The following DDX50 variants were observed in gnomAD, a reference collection of about 807,000 sequenced individuals.
DDX50 encodes the protein ATP-dependent RNA helicase DDX50.
Under a neutral mutation model 94.8 loss-of-function variants are expected in DDX50, and 56 were observed. The ratio of observed to expected loss-of-function variants is 0.59; its 90% CI spans 0.48 to 0.74. The LOEUF is 0.74. DDX50 is among the 30% of genes least tolerant of loss of function. The pLI, the probability that DDX50 is intolerant of heterozygous loss-of-function variation, is 0.00. For missense variants in DDX50, 713 were observed against 881.2 expected (o/e 0.81, Z 2.42); for synonymous variants, 264 against 295.4 (o/e 0.89, Z 1.09).
intron 8 of DDX50, among the ~76,000 whole-genome samples, chr10:68,921,512 A>G (rs1841939360): frequency 6.6e-6 from 1 of 151,940 alleles, no homozygotes; most frequent in African/African-American, 2.4e-5. Context: ...TTGTTTGTTT[A>G]GGGCAGAACT....
chr10:68,914,499 AAAAAC>A (rs1300007898), intron 7 of DDX50, among the ~76,000 whole-genome samples: 2 of 152,212 alleles, frequency 1.3e-5, no homozygotes, highest in Non-Finnish European at 1.5e-5. Flanking sequence ...AACAAAAACA[AAAAAC>A]AAAATATTTA....
chr10:68,906,653 T>C (rs1362616349), intron 1 of DDX50, 58 bp from the exon 2 acceptor site: 7 of 1,570,724 alleles, frequency 4.5e-6, no homozygotes, highest in Non-Finnish European at 5.2e-6. Flanking sequence ...CTAACTTCTC[T>C]AGAGTCTTAA....
At chr10:68,937,419 T>C (rs1402185526) in intron 12 of DDX50, among the ~76,000 whole-genome samples, 3 of 152,038 alleles carry the variant, frequency 2.0e-5, no homozygotes, top group African/African-American at 7.2e-5. Flanking sequence ...TGACATGTAA[T>C]AATTGTACAT....
In DDX50 at chr10:68,934,764, GA is replaced by G. The variant is rs1437735357; in HGVS notation, c.1402-34del. The stretch of plus-strand genomic sequence containing the variant: ...ATTCCGGAATGACTGCAACTTGCTA[GA>G]TTTTTAAAAAATATTACCTTTTATA... On this transcript the variant is annotated intron_variant, in intron 9 of 14. Coordinates refer to ENST00000373585, the MANE Select transcript of DDX50 (RefSeq NM_024045.2). This position sits in a 1 kb window ranked among gnomAD's most constrained non-coding sequence, Gnocchi z 4.0. The G allele has an allele frequency of 1.3e-6, 2 of 1,563,514 alleles. No individual in the cohort carries two copies. Among genetic ancestry groups the G allele is most frequent in the African/African-American group, 1.4e-5 (1 of 72,286 alleles).
At chr10:68,901,617 G>A (rs2132015275) in intron 1 of DDX50, 146 bp downstream of exon 1, 3 of 827,472 alleles carry the variant, frequency 3.6e-6, no homozygotes, top group East Asian at 6.0e-5. Context: ...CTCTGGGGTC[G>A]CTCAGGGACC....
chr10:68,903,983 A>G (rs1165268607), intron 1 of DDX50, among the ~76,000 whole-genome samples: 1 of 150,930 alleles, frequency 6.6e-6, no homozygotes, highest in Admixed American at 6.6e-5. Flanking sequence ...CTCAGAAAAA[A>G]AAAAAAAAAA....
chr10:68,933,663 G>C (rs1397657361), intron 8 of DDX50, among the ~76,000 whole-genome samples: 1 of 151,966 alleles, frequency 6.6e-6, no homozygotes, highest in Non-Finnish European at 1.5e-5. Context: ...GCCGGGTGTG[G>C]TGGCTCACGC....
At chr10:68,909,381 T>G (rs1245212077) in intron 2 of DDX50, among the ~76,000 whole-genome samples, 4 of 152,218 alleles carry the variant, frequency 2.6e-5, no homozygotes, top group Admixed American at 2.0e-4. Context: ...AACTTGTATA[T>G]ATGTTAAAGA....
chr10:68,936,186 C>A, intron 11 of DDX50, 107 bp downstream of exon 11: 3 of 822,982 alleles, frequency 3.6e-6, no homozygotes, highest in African/African-American at 1.8e-5. Flanking sequence ...GTTTTACCAG[C>A]AGACATTTAG....
chr10:68,906,946 CAA>C lies in DDX50; in HGVS notation c.325_326del (p.Lys109AlafsTer11). The C allele has an allele frequency of 6.2e-7, 1 of 1,600,134 alleles. No homozygotes were observed. On this transcript the variant is annotated frameshift_variant, in exon 2 of 15. Transcript: ENST00000373585. LOFTEE classifies it high-confidence loss of function. ...GATATAGATGAATATGAAAAAAAAT[CAA>C]AGCGAGTATCATCTTTAGATACTTC...
chr10:68,943,178 C>T, intron 13 of DDX50, 35 bp from the exon 14 acceptor site: 1 of 1,597,296 alleles, frequency 6.3e-7, no homozygotes, highest in Non-Finnish European at 8.5e-7. Flanking sequence ...ACATATGCAT[C>T]TAATTTAAAA....
chr10:68,937,117 G>T (rs753468332), intron 12 of DDX50, 22 bp downstream of exon 12: 3 of 1,572,754 alleles, frequency 1.9e-6, no homozygotes, highest in African/African-American at 1.4e-5. Flanking sequence ...TGAGAAAATT[G>T]TACATGAGTG....
At chr10:68,912,506 G>A (rs77653388) in intron 4 of DDX50, among the ~76,000 whole-genome samples, 4 of 152,216 alleles carry the variant, frequency 2.6e-5, no homozygotes, top group Middle Eastern at 3.4e-3. Flanking sequence ...GAGCCTCCAC[G>A]CCTGGCCCCA....
chr10:68,929,931 C>G (rs1203386280), intron 8 of DDX50, among the ~76,000 whole-genome samples: 1 of 151,238 alleles, frequency 6.6e-6, no homozygotes. Context: ...CGGGGTTTTG[C>G]CATGTTGGCC....
intron 8 of DDX50, among the ~76,000 whole-genome samples, chr10:68,932,257 T>C (rs190540536): frequency 1.1e-3 from 163 of 152,336 alleles, no homozygotes; most frequent in Non-Finnish European, 1.2e-3. Context: ...GTTAAATTAC[T>C]GTTATGAACT....
intron 8 of DDX50, among the ~76,000 whole-genome samples, chr10:68,931,677 G>A (rs1842279104): frequency 1.3e-5 from 2 of 151,426 alleles, no homozygotes; most frequent in South Asian, 2.1e-4. Context: ...CACCTACCTC[G>A]GCCTCCCAAA....
At chr10:68,928,666 C>T (rs1430574522) in intron 8 of DDX50, among the ~76,000 whole-genome samples, 2 of 152,140 alleles carry the variant, frequency 1.3e-5, no homozygotes, top group African/African-American at 4.8e-5. Flanking sequence ...GGTAATGATA[C>T]CCAAATCTTT....
chr10:68,927,143 C>T (rs1016375710), intron 8 of DDX50, among the ~76,000 whole-genome samples: 4 of 152,098 alleles, frequency 2.6e-5, no homozygotes, highest in Non-Finnish European at 4.4e-5. Flanking sequence ...AACTCTTAGC[C>T]TCAAGCAGTC....
chr10:68,935,857 C>CA (rs2132056663), intron 10 of DDX50, 149 bp from the exon 11 acceptor site: 1 of 607,042 alleles, frequency 1.6e-6, no homozygotes, highest in Non-Finnish European at 2.7e-6. Context: ...AAAACAAAAA[C>CA]AAAAAAGATA....
Sources: gnomAD v4.1 joint callset for allele counts (sites outside exome capture counted in the v4.1 genomes callset) on GRCh38, gnomAD v4.1.1 for gene constraint, Gnocchi (gnomAD v3.1) non-coding constraint, MANE v1.5 for transcripts, NCBI Gene and HGNC (gene_info 2026-07-23, HGNC 2026-07-21) for gene names.